The following CDK17 variants were observed in gnomAD, a reference collection of about 807,000 sequenced individuals.
CDK17 encodes cyclin-dependent kinase 17.
Under a neutral mutation model 77.6 loss-of-function variants are expected in CDK17, and 24 were observed. That is an observed-to-expected ratio of 0.31 (90% CI 0.22 to 0.44). The LOEUF is 0.44. CDK17 is among the 20% of genes least tolerant of loss of function. The pLI is 1.00. For synonymous variants in CDK17, 203 were observed against 210.4 expected, an observed-to-expected ratio of 0.96 and a Z score of 0.30; for missense variants, 429 against 622.5, an observed-to-expected ratio of 0.69 and a Z score of 3.31.
chr12:96,318,275 A>G lies in CDK17; in HGVS notation c.284-4821T>C, dbSNP rs563865739. 1.1e-4 allele frequency among the ~76,000 whole-genome samples: 16 copies of G among 152,074 alleles called. No homozygotes were observed. The South Asian group carries it at 2.3e-3, about 22-fold the overall frequency. ...TATCCTAAATATATATGCACCCAAT[A>G]CAGGAGCACCCAGATTCATCAAGCA... is the stretch of plus-strand genomic sequence containing the variant. On this transcript the variant is annotated intron_variant, in intron 3 of 16. Transcript: ENST00000261211.
intron 2 of CDK17, among the ~76,000 whole-genome samples, chr12:96,331,143 G>GT (rs1319554841): frequency 6.6e-6 from 1 of 152,060 alleles, no homozygotes; most frequent in African/African-American, 2.4e-5. Flanking sequence ...GGGTTTCACC[G>GT]TGTTGGCCAG....
At chr12:96,352,486 A>AAT (rs1386864920) in intron 1 of CDK17, among the ~76,000 whole-genome samples, 1 of 152,132 alleles carries the variant, frequency 6.6e-6, no homozygotes, top group Non-Finnish European at 1.5e-5. Flanking sequence ...CTGGGCTATA[A>AAT]AGGCTGGGGT....
At chr12:96,392,158 C>G (rs1954079851) in intron 1 of CDK17, among the ~76,000 whole-genome samples, 2 of 152,110 alleles carry the variant, frequency 1.3e-5, no homozygotes, top group African/African-American at 4.8e-5. Flanking sequence ...TACATAAATA[C>G]TATATAGCAG....
intron 1 of CDK17, among the ~76,000 whole-genome samples, chr12:96,367,689 T>C (rs373240283): frequency 6.6e-6 from 1 of 151,968 alleles, no homozygotes; most frequent in Non-Finnish European, 1.5e-5. Context: ...AGAAGCAAAG[T>C]TGAAATCTCT....
chr12:96,376,129 A>G (rs1430775555), intron 1 of CDK17, among the ~76,000 whole-genome samples: 1 of 152,228 alleles, frequency 6.6e-6, no homozygotes, highest in African/African-American at 2.4e-5. Flanking sequence ...CTATTCCAGG[A>G]AACTCCTGCT....
At chr12:96,347,875 T>TA (rs1053437484) in intron 1 of CDK17, among the ~76,000 whole-genome samples, 5 of 151,864 alleles carry the variant, frequency 3.3e-5, no homozygotes, top group African/African-American at 1.2e-4. Flanking sequence ...GGAATGAAAC[T>TA]AAAAATCAGA....
chr12:96,289,501 C>G (rs1952292184), intron 10 of CDK17, among the ~76,000 whole-genome samples: 1 of 152,150 alleles, frequency 6.6e-6, no homozygotes, highest in African/African-American at 2.4e-5. Flanking sequence ...AATTCCACAA[C>G]CAGAGACTGT....
chr12:96,354,276 A>T (rs1204667995), intron 1 of CDK17, among the ~76,000 whole-genome samples: 1 of 152,198 alleles, frequency 6.6e-6, no homozygotes, highest in Non-Finnish European at 1.5e-5. Flanking sequence ...CACAGTAGCA[A>T]ATTTCCAGAG....
chr12:96,342,561 C>T (rs1953137738), intron 1 of CDK17, among the ~76,000 whole-genome samples: 1 of 150,702 alleles, frequency 6.6e-6, no homozygotes, highest in Non-Finnish European at 1.5e-5. Flanking sequence ...GATGCCATGT[C>T]AAACAAACAA....
At chr12:96,342,352 A>T (rs910161910) in intron 1 of CDK17, among the ~76,000 whole-genome samples, 2 of 152,218 alleles carry the variant, frequency 1.3e-5, no homozygotes, top group South Asian at 2.1e-4. Flanking sequence ...TTTAAAACTT[A>T]AACTTTTTTC....
intron 1 of CDK17, among the ~76,000 whole-genome samples, chr12:96,339,431 T>C (rs992398765): frequency 2.0e-5 from 3 of 152,032 alleles, no homozygotes; most frequent in Non-Finnish European, 2.9e-5. Flanking sequence ...CAAGATGAAA[T>C]GAATTCTGGA....
intron 1 of CDK17, among the ~76,000 whole-genome samples, chr12:96,340,969 G>GT (rs1232719725): frequency 6.6e-6 from 1 of 152,074 alleles, no homozygotes; most frequent in Non-Finnish European, 1.5e-5. Flanking sequence ...CCAATAGGTA[G>GT]TTTTTTTATC....
intron 3 of CDK17, among the ~76,000 whole-genome samples, chr12:96,314,131 AG>A (rs1952677274): frequency 6.6e-6 from 1 of 152,240 alleles, no homozygotes; most frequent in South Asian, 2.1e-4. Context: ...CATGCTTAAT[AG>A]AGATAAAAGT....
At chr12:96,280,736 T>C (rs1326284640) in intron 16 of CDK17, 72 bp downstream of exon 16, 2 of 1,584,996 alleles carry the variant, frequency 1.3e-6, no homozygotes, top group East Asian at 2.3e-5. Context: ...TACTGATCAA[T>C]TTATAAACCA....
At chr12:96,389,130 A>G (rs61939091) in intron 1 of CDK17, among the ~76,000 whole-genome samples, 13 of 144,568 alleles carry the variant, frequency 9.0e-5, no homozygotes, top group Admixed American at 7.7e-4. Flanking sequence ...ATGCTCAACT[A>G]ATTTTTTTTT....
chr12:96,279,986 T>C lies in CDK17; in HGVS notation c.*256A>G, dbSNP rs11108452. On this transcript the variant is annotated 3_prime_UTR_variant, in exon 17 of 17. Transcript: ENST00000261211. ...CAGTCCTGCACAAAAATTGCAGCTA[T>C]AGTTACATCAATAGCTGTAACCTAC... 76,622 of 377,846 alleles carry C rather than the reference T, an allele frequency of 0.2. 8,194 individuals carry two copies. Among genetic ancestry groups the C allele is most frequent in the South Asian group, 0.27 (3,393 of 12,346 alleles). 23.4% of individuals were successfully genotyped at this position (377,846 alleles called of 1,614,324 possible).
rs1954236221 is a variant in CDK17, at chr12:96,400,087, CA to C, written c.-132del. The C allele has an allele frequency of 2.6e-6, 1 of 391,078 alleles. No homozygotes were observed. The highest frequency in any genetic ancestry group is 1.3e-4 in the South Asian group (1 of 7,524). 24.2% of individuals were successfully genotyped at this position (391,078 alleles called of 1,614,324 possible). A position where few individuals can be genotyped will look rare whatever the true frequency, so the allele number is the denominator to read the frequency against. ...GGCGACCGGATGCAAGTCCGGGTCT[CA>C]GCGGCCGGCAGACGTGAGGCGCTTC... On this transcript the variant is annotated 5_prime_UTR_variant, in exon 1 of 17. Coordinates refer to ENST00000261211, the MANE Select transcript of CDK17 (RefSeq NM_002595.5).
chr12:96,357,671 G>A (rs1024052259), intron 1 of CDK17, among the ~76,000 whole-genome samples: 2 of 152,126 alleles, frequency 1.3e-5, no homozygotes, highest in African/African-American at 4.8e-5. Context: ...AGCAAGCACT[G>A]AGAGGTTACA....
chr12:96,398,607 C>G (rs1245281734), intron 1 of CDK17, among the ~76,000 whole-genome samples: 1 of 152,162 alleles, frequency 6.6e-6, no homozygotes, highest in East Asian at 1.9e-4. Context: ...CTCACACGAA[C>G]GCCTTTTAAA....
Sources: gnomAD v4.1 joint callset for allele counts (sites outside exome capture counted in the v4.1 genomes callset) on GRCh38, gnomAD v4.1.1 for gene constraint, MANE v1.5 for transcripts, NCBI Gene and HGNC (gene_info 2026-07-23, HGNC 2026-07-21) for gene names.